The following RAD51B variants were observed in gnomAD, a reference collection of about 807,000 sequenced individuals.
RAD51B encodes the protein DNA repair protein RAD51 homolog 2.
RAD51B carries 38 observed loss-of-function variants against 42.2 expected under a neutral mutation model. That is an observed-to-expected ratio of 0.90 (90% CI 0.70 to 1.18). RAD51B has a LOEUF of 1.18. Among genes scored for constraint, RAD51B ranks in the 50% most tolerant of loss-of-function variants. RAD51B has a pLI of 0.00. For missense variants in RAD51B, 373 were observed against 400.7 expected (o/e 0.93, Z 0.59); for synonymous variants, 154 against 145.2 (o/e 1.06, Z -0.43).
At chr14:68,158,114 A>G (rs533278587) in intron 7 of RAD51B, among the ~76,000 whole-genome samples, 5 of 152,156 alleles carry the variant, frequency 3.3e-5, no homozygotes, top group Admixed American at 3.3e-4. Context: ...CCCTTCACAC[A>G]GCCTTTTTTT....
chr14:68,194,376 A>G (rs1010041410), intron 7 of RAD51B, among the ~76,000 whole-genome samples: 17 of 152,202 alleles, frequency 1.1e-4, no homozygotes, highest in African/African-American at 4.1e-4. Context: ...AACATTATGG[A>G]CAATACAGTA....
At chr14:68,040,823 C>T (rs1391971892) in intron 7 of RAD51B, among the ~76,000 whole-genome samples, 1 of 152,196 alleles carries the variant, frequency 6.6e-6, no homozygotes, top group Non-Finnish European at 1.5e-5. Context: ...CACTCCAGAC[C>T]TCCTGAATCA....
At chr14:68,209,126 A>C (rs566359836) in intron 7 of RAD51B, among the ~76,000 whole-genome samples, 2 of 152,314 alleles carry the variant, frequency 1.3e-5, no homozygotes, top group East Asian at 3.9e-4. Context: ...TCACATTGCA[A>C]GACTTGAAGA....
intron 7 of RAD51B, among the ~76,000 whole-genome samples, chr14:67,938,971 A>T (rs560555180): frequency 6.6e-6 from 1 of 152,200 alleles, no homozygotes; most frequent in Non-Finnish European, 1.5e-5. Flanking sequence ...CAAAAGAACA[A>T]TATTTGTTGT....
chr14:67,852,518 A>G (rs935396205), intron 4 of RAD51B, among the ~76,000 whole-genome samples: 9 of 152,196 alleles, frequency 5.9e-5, no homozygotes, highest in Non-Finnish European at 1.3e-4. Context: ...GAGTGTCTTC[A>G]TGACACAACA....
At position 68,195,924 on chromosome 14, in the gene RAD51B, AAC is replaced by A. The variant is rs1491551739; in HGVS notation, c.757-95958_757-95957del. Among the ~76,000 whole-genome samples the A allele has an allele frequency of 5.4e-3, 726 of 133,974 alleles. 49 individuals carry two copies. Among genetic ancestry groups the A allele is most frequent in the South Asian group, 0.032 (127 of 3,908 alleles). 87.9% of individuals were successfully genotyped at this position (133,974 alleles called of 152,430 possible). On this transcript the variant is annotated intron_variant, in intron 7 of 10. Transcript: ENST00000471583. ...GCTCTGTTTCAAAAAAAAAAAAAAA[AAC>A]AACAATTAGGGGCCAGGTGCAATGG...
At chr14:68,465,271 T>C (rs751259390) in intron 9 of RAD51B, among the ~76,000 whole-genome samples, 4 of 152,244 alleles carry the variant, frequency 2.6e-5, no homozygotes, top group Non-Finnish European at 5.9e-5. Flanking sequence ...GATTTACGTT[T>C]ATCTTATCCA....
chr14:68,142,922 G>A (rs968604896), intron 7 of RAD51B, among the ~76,000 whole-genome samples: 1 of 151,606 alleles, frequency 6.6e-6, no homozygotes, highest in African/African-American at 2.4e-5. Flanking sequence ...GGGGTTGGGG[G>A]CTTGCAGTGA....
rs146328616 is a variant in RAD51B, at chr14:68,433,973, C to T, written c.957+22446C>T. ...TTAGTTTTCCTTCTAACAGGACCCT[C>T]AGCTGTAGGTCTGTTGGTGTTTGCT... On this transcript the variant is annotated intron_variant, in intron 9 of 10. Coordinates refer to ENST00000471583, the MANE Select transcript of RAD51B (RefSeq NM_133510.4). Among the ~76,000 whole-genome samples, 204 of 152,344 alleles carry T rather than the reference C, an allele frequency of 1.3e-3. 2 individuals are homozygous for T. The highest frequency in any genetic ancestry group is 4.9e-3 in the African/African-American group (202 of 41,574).
chr14:68,308,980 A>G (rs2081920757), intron 8 of RAD51B, among the ~76,000 whole-genome samples: 2 of 152,214 alleles, frequency 1.3e-5, no homozygotes, highest in Non-Finnish European at 2.9e-5. Flanking sequence ...ACAGAGGGAA[A>G]AATCCTCGCT....
At chr14:68,568,829 CATCTT>C (rs1566940500) in intron 10 of RAD51B, among the ~76,000 whole-genome samples, 2 of 152,180 alleles carry the variant, frequency 1.3e-5, no homozygotes. Context: ...CCTTCTTTCT[CATCTT>C]TTTTGATATT....
chr14:68,077,786 T>C (rs935087560), intron 7 of RAD51B, among the ~76,000 whole-genome samples: 3 of 152,192 alleles, frequency 2.0e-5, no homozygotes, highest in African/African-American at 7.2e-5. Flanking sequence ...TGAAACCCTG[T>C]CTCTACTAAA....
intron 7 of RAD51B, among the ~76,000 whole-genome samples, chr14:68,149,247 T>G (rs1187938575): frequency 6.6e-6 from 1 of 152,204 alleles, no homozygotes; most frequent in Non-Finnish European, 1.5e-5. Context: ...GGATTGTGCT[T>G]TAAGTGTTAT....
chr14:68,227,548 T>G (rs2080063589), intron 7 of RAD51B, among the ~76,000 whole-genome samples: 1 of 152,200 alleles, frequency 6.6e-6, no homozygotes, highest in African/African-American at 2.4e-5. Context: ...GTGTTAGCAC[T>G]CAATAAGTTT....
intron 7 of RAD51B, among the ~76,000 whole-genome samples, chr14:67,981,193 A>T: frequency 6.6e-6 from 1 of 152,194 alleles, no homozygotes; most frequent in Admixed American, 6.5e-5. Context: ...ATTGTTAGGG[A>T]AATGAAAAGT....
chr14:67,966,914 T>C (rs996084721), intron 7 of RAD51B, among the ~76,000 whole-genome samples: 1 of 152,184 alleles, frequency 6.6e-6, no homozygotes, highest in Non-Finnish European at 1.5e-5. Flanking sequence ...CAATCTGATA[T>C]GGACAATTAG....
At chr14:67,954,423 C>T (rs1400490905) in intron 7 of RAD51B, among the ~76,000 whole-genome samples, 1 of 152,122 alleles carries the variant, frequency 6.6e-6, no homozygotes, top group Admixed American at 6.6e-5. Context: ...CTTTCTAAAT[C>T]AGCACCTGAT....
chr14:68,036,772 G>A (rs574597382), intron 7 of RAD51B, among the ~76,000 whole-genome samples: 30 of 152,090 alleles, frequency 2.0e-4, no homozygotes, highest in African/African-American at 6.7e-4. Context: ...AAACCTGAAA[G>A]TCATTGCAAA....
intron 7 of RAD51B, among the ~76,000 whole-genome samples, chr14:68,013,313 C>G (rs564335748): frequency 6.6e-6 from 1 of 152,220 alleles, no homozygotes; most frequent in South Asian, 2.1e-4. Context: ...ATGACAGAGC[C>G]TTGGAAGTCA....
Sources: allele counts gnomAD v4.1 joint callset (sites outside exome capture counted in the v4.1 genomes callset), GRCh38; gene constraint gnomAD v4.1.1; transcripts MANE v1.5; gene names NCBI Gene and HGNC (gene_info 2026-07-23, HGNC 2026-07-21).